Variants in NDST4 observed in about 807,000 individuals in gnomAD.
NDST4 encodes N-deacetylase and N-sulfotransferase 4.
NDST4 carries 63 observed loss-of-function variants against 100.8 expected under a neutral mutation model. The ratio of observed to expected loss-of-function variants is 0.62; its 90% CI spans 0.51 to 0.77. NDST4 has a LOEUF of 0.77. Among genes scored for constraint, NDST4 ranks in the 30% least tolerant of loss-of-function variants. The pLI, the probability that NDST4 is intolerant of heterozygous loss-of-function variation, is 0.00. For missense variants in NDST4, 943 were observed against 1,018.4 expected (o/e 0.93, Z 1.01); for synonymous variants, 377 against 361.8 (o/e 1.04, Z -0.48).
intron 9 of NDST4, among the ~76,000 whole-genome samples, 156 bp downstream of exon 9, chr4:114,848,059 A>G (rs1193883361): frequency 6.6e-6 from 1 of 152,248 alleles, no homozygotes; most frequent in African/African-American, 2.4e-5. Context: ...ATTATAGGCA[A>G]CACTGATTAA....
chr4:114,986,823 TATATATA>T (rs1560845434), intron 2 of NDST4, among the ~76,000 whole-genome samples: 16 of 98,718 alleles, frequency 1.6e-4, no homozygotes, highest in African/African-American at 4.1e-4. Context: ...TATATATATA[TATATATA>T]TATTTTAATA....
intron 4 of NDST4, among the ~76,000 whole-genome samples, chr4:114,940,179 C>G (rs145782871): frequency 6.6e-6 from 1 of 152,250 alleles, no homozygotes; most frequent in African/African-American, 2.4e-5. Flanking sequence ...AATAATGTCT[C>G]TTACAGGATC....
At chr4:114,929,088 C>A (rs1725449477) in intron 6 of NDST4, among the ~76,000 whole-genome samples, 1 of 117,738 alleles carries the variant, frequency 8.5e-6, no homozygotes, top group Non-Finnish European at 1.9e-5. Flanking sequence ...ATCCATCCAT[C>A]CATCCATCCA....
At chr4:115,080,882 C>T (rs1040306924) in intron 1 of NDST4, among the ~76,000 whole-genome samples, 3 of 152,046 alleles carry the variant, frequency 2.0e-5, no homozygotes, top group Non-Finnish European at 4.4e-5. Flanking sequence ...AGAGCAGATA[C>T]CTACTTACAT....
intron 2 of NDST4, among the ~76,000 whole-genome samples, chr4:114,995,298 G>C (rs2126253445): frequency 6.6e-6 from 1 of 152,102 alleles, no homozygotes; most frequent in East Asian, 1.9e-4. Flanking sequence ...CATTTGCAAT[G>C]ACAGGCTGAT....
Position 114,999,912 on chromosome 4 carries a change from A to G in NDST4, c.979-22638T>C, listed in dbSNP as rs188984393. ...GGGAGGTGATCAGTGAAGGACCTAT[A>G]CTTATCAAAAAATCTTCTTTTTGCC... On this transcript the variant is annotated intron_variant, in intron 2 of 13. Coordinates refer to ENST00000264363, the MANE Select transcript of NDST4 (RefSeq NM_022569.3). Among the ~76,000 whole-genome samples, 1,157 of 152,080 alleles carry G rather than the reference A, an allele frequency of 7.6e-3. 17 individuals carry two copies. The highest frequency in any genetic ancestry group is 0.017 in the Middle Eastern group (5 of 294).
intron 9 of NDST4, among the ~76,000 whole-genome samples, chr4:114,847,133 T>C (rs1248938193): frequency 6.8e-6 from 1 of 147,428 alleles, no homozygotes; most frequent in Non-Finnish European, 1.5e-5. Context: ...TCCCAGCACT[T>C]TGGGAGGCCG....
At chr4:115,055,565 C>T (rs926840332) in intron 2 of NDST4, among the ~76,000 whole-genome samples, 2 of 152,148 alleles carry the variant, frequency 1.3e-5, no homozygotes, top group African/African-American at 4.8e-5. Flanking sequence ...GCAACTTTAA[C>T]CTGAGTTCAA....
intron 2 of NDST4, among the ~76,000 whole-genome samples, chr4:115,053,994 GTT>G (rs952976837): frequency 1.3e-5 from 2 of 152,164 alleles, no homozygotes; most frequent in African/African-American, 4.8e-5. Flanking sequence ...TTAGTAAAGA[GTT>G]TTGTATCTAC....
At chr4:115,029,269 A>T (rs1728056138) in intron 2 of NDST4, among the ~76,000 whole-genome samples, 1 of 152,092 alleles carries the variant, frequency 6.6e-6, no homozygotes. Flanking sequence ...GGGTGTGAAG[A>T]TTGCCTTAGA....
Position 115,010,152 on chromosome 4 carries a change from G to T in NDST4, c.979-32878C>A, listed in dbSNP as rs1486565706. On this transcript the variant is annotated intron_variant, in intron 2 of 13. Coordinates refer to ENST00000264363, the MANE Select transcript of NDST4 (RefSeq NM_022569.3). The stretch of plus-strand genomic sequence containing the variant: ...GCAATTCCTCAGGGATCTAGAACTA[G>T]AAATATCATTTGACCCAGACATCCC... 9.4e-5 allele frequency among the ~76,000 whole-genome samples: 12 copies of T among 127,800 alleles called. 5 individuals carry two copies. The South Asian group carries it at 1.8e-3, about 20-fold the overall frequency. The allele number at this position is 127,800 out of a possible 152,430, so 83.8% of individuals were successfully genotyped here. A position where few individuals can be genotyped will look rare whatever the true frequency, so the allele number is the denominator to read the frequency against.
At chr4:114,942,061 A>G (rs1322710980) in intron 4 of NDST4, among the ~76,000 whole-genome samples, 1 of 152,248 alleles carries the variant, frequency 6.6e-6, no homozygotes, top group Non-Finnish European at 1.5e-5. Flanking sequence ...GTATTTTTCT[A>G]GCTGGATACT....
chr4:115,000,587 A>C (rs561116480), intron 2 of NDST4, among the ~76,000 whole-genome samples: 95 of 152,228 alleles, frequency 6.2e-4, no homozygotes, highest in Middle Eastern at 3.4e-3. Context: ...AATACTTACT[A>C]TCTGTCTTTA....
rs1399347194 is a variant in NDST4, at chr4:115,002,263, CT to C, written c.979-24990del. Among the ~76,000 whole-genome samples the C allele has an allele frequency of 5.9e-5, 9 of 152,084 alleles. No homozygotes were observed. In the South Asian group the frequency reaches 1.9e-3, roughly 32 times the overall value. On this transcript the variant is annotated intron_variant, in intron 2 of 13. Coordinates refer to ENST00000264363, the MANE Select transcript of NDST4 (RefSeq NM_022569.3). ...TTCTCTAATGACCAGTGATGATGAG[CT>C]TTTTTTCATGTTTGTTGGCCACATC...
chr4:114,864,451 A>G (rs1723981753), intron 7 of NDST4, among the ~76,000 whole-genome samples: 1 of 152,158 alleles, frequency 6.6e-6, no homozygotes, highest in South Asian at 2.1e-4. Flanking sequence ...ATGTCTTTAA[A>G]ATGCCCTTTC....
At chr4:115,006,918 TA>T (rs759972511) in intron 2 of NDST4, among the ~76,000 whole-genome samples, 1 of 151,972 alleles carries the variant, frequency 6.6e-6, no homozygotes, top group South Asian at 2.1e-4. Flanking sequence ...ATTGCGATAA[TA>T]ATAATAATAA....
At chr4:114,957,440 A>G (rs1246497350) in intron 4 of NDST4, among the ~76,000 whole-genome samples, 1 of 152,194 alleles carries the variant, frequency 6.6e-6, no homozygotes, top group East Asian at 1.9e-4. Context: ...CCATGATTCA[A>G]TTATTCAATT....
At chr4:114,918,398 G>A (rs978830838) in intron 6 of NDST4, among the ~76,000 whole-genome samples, 1 of 110,814 alleles carries the variant, frequency 9.0e-6, no homozygotes, top group African/African-American at 3.4e-5. Context: ...GTTGTGGGGT[G>A]GGGGGAGGGG....
intron 4 of NDST4, among the ~76,000 whole-genome samples, chr4:114,964,622 T>A (rs151272026): frequency 6.6e-6 from 1 of 152,230 alleles, no homozygotes; most frequent in African/African-American, 2.4e-5. Context: ...ACAATTAACA[T>A]GATATCTACC....
Sources: gnomAD v4.1 joint callset for allele counts (sites outside exome capture counted in the v4.1 genomes callset) on GRCh38, gnomAD v4.1.1 for gene constraint, MANE v1.5 for transcripts, NCBI Gene and HGNC (gene_info 2026-07-23, HGNC 2026-07-21) for gene names.